The following PLEC variants were observed in gnomAD, a reference collection of about 807,000 sequenced individuals.
PLEC encodes the protein hemidesmosomal protein 1.
PLEC carries 216 observed loss-of-function variants against 392.8 expected under a neutral mutation model. That is an observed-to-expected ratio of 0.55 (90% CI 0.49 to 0.62). The LOEUF (loss-of-function observed/expected upper bound fraction) is 0.62, where lower values mean the gene tolerates loss of function less well. Among genes scored for constraint, PLEC ranks in the 20% least tolerant of loss-of-function variants. The pLI is 0.00. For synonymous variants in PLEC, 3,621 were observed against 2,980.6 expected, an observed-to-expected ratio of 1.21 and a Z score of -7.00; for missense variants, 6,863 against 6,563.4, an observed-to-expected ratio of 1.05 and a Z score of -1.58.
Position 143,923,787 on chromosome 8 carries a change from G to A in PLEC, c.6142C>T (p.Gln2048Ter). ...AAGGCGTGTGCCTTCTCTTCCGCCT[G>A]CAGCCGCTTCTGGGCGGCCTCCTGG... ...LAQEAAQKRL[Q>*]AEEKAHAFAV... The change falls in exon 31 of 32, where the codon CAG (glutamine) becomes TAG (stop). Residue 2048 changes from glutamine to a stop codon, truncating the protein, a stop_gained. Transcript: ENST00000345136. LOFTEE classifies it high-confidence loss of function. The A allele has an allele frequency of 6.3e-7, 1 of 1,575,560 alleles. No individual in the cohort carries two copies. Among genetic ancestry groups the A allele is most frequent in the Non-Finnish European group, 8.6e-7 (1 of 1,168,844 alleles).
chr8:143,931,515 T>A lies in PLEC; in HGVS notation c.2304+19A>T, dbSNP rs1554715195. ...AGGCCAGCCCCTCCTGACACGCCCC[T>A]GCACACCCCCTCCCTCACCTGGGCA... On this transcript the variant is annotated intron_variant, in intron 19 of 31. Transcript: ENST00000345136. 15 of 1,557,816 alleles carry A rather than the reference T, an allele frequency of 9.6e-6. No individual in the cohort carries two copies. Among genetic ancestry groups the A allele is most frequent in the Non-Finnish European group, 8.7e-7 (1 of 1,150,772 alleles).
chr8:143,933,899 G>C, intron 12 of PLEC, 99 bp downstream of exon 12: 1 of 1,055,374 alleles, frequency 9.5e-7, no homozygotes, highest in Non-Finnish European at 1.4e-6. Context: ...CCTGCCCCAG[G>C]AGCCCAGGGG....
intron 1 of PLEC, among the ~76,000 whole-genome samples, chr8:143,967,338 G>C (rs1833154503): frequency 7.2e-6 from 1 of 137,960 alleles, no homozygotes; most frequent in South Asian, 2.3e-4. Flanking sequence ...ATTCCAGCCT[G>C]GGCAACAGAG....
At chr8:143,938,011 C>A in intron 3 of PLEC, 140 bp downstream of exon 3, 1 of 673,222 alleles carries the variant, frequency 1.5e-6, no homozygotes, top group Non-Finnish European at 2.6e-6. Context: ...ACGAGGCCAG[C>A]CTGCCCCCAG....
chr8:143,937,761 C>T, intron 3 of PLEC: 1 of 502,490 alleles, frequency 2.0e-6, no homozygotes, highest in South Asian at 1.5e-5. Context: ...GGCGTGAGCT[C>T]CTGCTTACGT....
intron 19 of PLEC, 61 bp from the exon 20 acceptor site, chr8:143,930,597 AC>A: frequency 4.6e-6 from 7 of 1,530,312 alleles, no homozygotes; most frequent in Non-Finnish European, 5.3e-6. Flanking sequence ...TGCCCCAGGC[AC>A]CCCCAGACCC....
rs1827816845 is a variant in PLEC, at chr8:143,932,899, C to T, written c.1631G>A (p.Trp544Ter). ...CTCCACGCTGGGCAGGTCCACACCCCACTCAGCGCCATCCACACGGTGCTG... is the reference window on the plus strand; with the variant it reads ...CTCCACGCTGGGCAGGTCCACACCCTACTCAGCGCCATCCACACGGTGCTG... Reference protein sequence around the residue: ...ENQHRVDGAEWGVDLPSVEAQ... With the variant: ...ENQHRVDGAE The change falls in exon 14 of 32, where the codon TGG (tryptophan) becomes TAG (stop). Residue 544 changes from tryptophan (W) to a stop codon, truncating the protein, a stop_gained. Transcript: ENST00000345136. LOFTEE classifies it high-confidence loss of function. 1 of 1,612,464 alleles carries T rather than the reference C, an allele frequency of 6.2e-7. No individual in the cohort carries two copies. The highest frequency in any genetic ancestry group is 8.5e-7 in the Non-Finnish European group (1 of 1,179,916).
chr8:143,973,669 C>A (rs1262108590), upstream of PLEC: 1 of 382,520 alleles, frequency 2.6e-6, no homozygotes, highest in African/African-American at 2.2e-5. The surrounding 1 kb of genome is among the most constrained non-coding windows in gnomAD (Gnocchi z 5.6). Flanking sequence ...TGGGCCCCTC[C>A]CGGCGGGCCG....
Position 143,920,683 on chromosome 8 carries a change from T to C in PLEC, c.9138A>G (p.Lys3046=). The part of the protein sequence containing the change: ...QKLSIYNALK[K]DLLPSDMAVA... Reference sequence around the variant, plus strand: ...CGGCCATGTCGGATGGCAGCAGGTCTTTCTTCAGGGCATTGTAGATACTCA... The same window carrying C: ...CGGCCATGTCGGATGGCAGCAGGTCCTTCTTCAGGGCATTGTAGATACTCA... The change falls in exon 32 of 32, where the codon AAA becomes AAG. Residue 3046 remains lysine (K), a synonymous_variant. Coordinates refer to ENST00000345136, the MANE Select transcript of PLEC (RefSeq NM_201384.3). 6.2e-7 allele frequency: 1 copy of C among 1,603,080 alleles called. No homozygotes were observed. The highest frequency in any genetic ancestry group is 8.5e-7 in the Non-Finnish European group (1 of 1,179,878).
upstream of PLEC, among the ~76,000 whole-genome samples, chr8:143,957,064 G>C: frequency 6.6e-6 from 1 of 152,192 alleles, no homozygotes; most frequent in Non-Finnish European, 1.5e-5. Context: ...GGCTGCAGCC[G>C]GGAGGGGGGC....
At chr8:143,949,900 C>T (rs1464144582) in intron 1 of PLEC, among the ~76,000 whole-genome samples, 2 of 152,082 alleles carry the variant, frequency 1.3e-5, no homozygotes, top group Non-Finnish European at 2.9e-5. Context: ...AAGGCAAGGG[C>T]AGTGTTGGAG....
At chr8:143,964,534 G>A (rs772111413) in intron 1 of PLEC, among the ~76,000 whole-genome samples, 2 of 152,200 alleles carry the variant, frequency 1.3e-5, no homozygotes, top group Non-Finnish European at 2.9e-5. Flanking sequence ...AACAGAGTCC[G>A]CCCTGGAGCC....
upstream of PLEC, among the ~76,000 whole-genome samples, chr8:143,951,495 C>G (rs943159887): frequency 2.0e-5 from 3 of 152,136 alleles, no homozygotes; most frequent in Non-Finnish European, 4.4e-5. Flanking sequence ...CCTCCACACA[C>G]CAGGCTTAGA....
At position 143,919,533 on chromosome 8, in the gene PLEC, C is replaced by T. The variant is rs368781937; in HGVS notation, c.10288G>A (p.Glu3430Lys). 7 of 1,611,234 alleles carry T rather than the reference C, an allele frequency of 4.3e-6. No homozygotes were observed. Among genetic ancestry groups the T allele is most frequent in the East Asian group, 2.2e-5 (1 of 44,866 alleles). Residue 3430 changes from glutamate to lysine, a missense_variant, in exon 32 of 32, where the codon GAG becomes AAG. Transcript: ENST00000345136. Reference protein sequence around the residue: ...PELHEQLLSAEKAVTGYRDPY... With the variant: ...PELHEQLLSAKKAVTGYRDPY... Reference sequence around the variant, plus strand: ...TCTCTGTAGCCGGTGACGGCCTTCTCGGCAGACAGCAGCTGCTCGTGAAGC... The same window carrying T: ...TCTCTGTAGCCGGTGACGGCCTTCTTGGCAGACAGCAGCTGCTCGTGAAGC...
In PLEC at chr8:143,925,454, G is replaced by A. The variant is rs782685705; in HGVS notation, c.4475C>T (p.Ala1492Val). Reference sequence around the variant, plus strand: ...CCGCAAGCGCTCGGCCTCCTCCTGCGCCTGTCGCTTTTGTGCCTCAGCCTC... The same window carrying A: ...CCGCAAGCGCTCGGCCTCCTCCTGCACCTGTCGCTTTTGTGCCTCAGCCTC... ...AEEAEAQKRQAQEEAERLRRQ... is the reference protein window; with the variant it reads ...AEEAEAQKRQVQEEAERLRRQ... Residue 1492 changes from alanine (A) to valine (V), a missense_variant, in exon 31 of 32, where the codon GCG (alanine) becomes GTG (valine). Ala to Val is a moderately conservative substitution (Grantham distance 64, BLOSUM62 0). Coordinates refer to ENST00000345136, the MANE Select transcript of PLEC (RefSeq NM_201384.3). 76 of 1,595,544 alleles carry A rather than the reference G, an allele frequency of 4.8e-5. No individual in the cohort carries two copies. Among genetic ancestry groups the A allele is most frequent in the Admixed American group, 6.7e-5 (4 of 59,856 alleles).
upstream of PLEC, among the ~76,000 whole-genome samples, chr8:143,939,790 C>T (rs1830095102): frequency 6.6e-6 from 1 of 150,936 alleles, no homozygotes; most frequent in South Asian, 2.1e-4. Context: ...ACCCCGACCA[C>T]TGCAGCCCCC....
At chr8:143,944,118 G>A (rs1272505956), upstream of PLEC, among the ~76,000 whole-genome samples, 1 of 150,414 alleles carries the variant, frequency 6.6e-6, no homozygotes, top group South Asian at 2.1e-4. Context: ...CCCCACCCTC[G>A]CTCCCCACCC....
chr8:143,948,871 G>A (rs1182317593), intron 1 of PLEC, among the ~76,000 whole-genome samples: 15 of 152,262 alleles, frequency 9.9e-5, no homozygotes. Context: ...AGGGGTGCCG[G>A]GTGGGAGAGG....
chr8:143,975,039 A>G, upstream of PLEC: 2 of 962,794 alleles, frequency 2.1e-6, no homozygotes, highest in Non-Finnish European at 3.2e-6. The surrounding 1 kb of genome is among the most constrained non-coding windows in gnomAD (Gnocchi z 9.9). Flanking sequence ...CTCACCTGGG[A>G]CGCGCGAGGC....
Sources: allele counts gnomAD v4.1 joint callset (sites outside exome capture counted in the v4.1 genomes callset), GRCh38; gene constraint gnomAD v4.1.1; non-coding constraint Gnocchi (gnomAD v3.1); transcripts MANE v1.5; gene names NCBI Gene and HGNC (gene_info 2026-07-23, HGNC 2026-07-21).